CACNG4: variants seen among roughly 807,000 people sequenced by gnomAD.
The protein encoded by CACNG4 is voltage-dependent calcium channel gamma-4 subunit.
In CACNG4, 8 loss-of-function variants were observed where a neutral mutation model predicts 22.9. The ratio of observed to expected loss-of-function variants is 0.35; its 90% CI spans 0.21 to 0.63. The LOEUF (loss-of-function observed/expected upper bound fraction) is 0.63, where lower values mean the gene tolerates loss of function less well. CACNG4 is among the 30% of genes least tolerant of loss of function. The pLI, the probability that CACNG4 is intolerant of heterozygous loss-of-function variation, is 0.72. For missense variants in CACNG4, 357 were observed against 455.4 expected (o/e 0.78, Z 1.97); for synonymous variants, 188 against 191.9 (o/e 0.98, Z 0.17).
chr17:67,009,596 T>C (rs1256493000), intron 1 of CACNG4, among the ~76,000 whole-genome samples: 1 of 152,168 alleles, frequency 6.6e-6, no homozygotes, highest in Non-Finnish European at 1.5e-5. Flanking sequence ...CTGTAGTATA[T>C]AACAAAATAC....
chr17:67,025,222 G>T (rs1019787602), intron 3 of CACNG4, among the ~76,000 whole-genome samples: 19 of 152,260 alleles, frequency 1.2e-4, no homozygotes, highest in African/African-American at 4.6e-4. Flanking sequence ...TGACAGAAAT[G>T]TTTTGGATGC....
intron 1 of CACNG4, among the ~76,000 whole-genome samples, chr17:66,990,070 G>A (rs2143305511): frequency 6.6e-6 from 1 of 152,348 alleles, no homozygotes; most frequent in East Asian, 1.9e-4. Flanking sequence ...TGGACTGGGA[G>A]TCTGGACACA....
chr17:67,024,870 A>G lies in CACNG4; in HGVS notation c.315A>G (p.Arg105=). ...CACCTCCCCGGCCAGGCATCGTGCG[A>G]GCCTCCAGCGTCTTCCCCATCCTCA... The part of the protein sequence containing the change: ...DSSEYLLRIV[R]ASSVFPILST... Residue 105 remains arginine (R), a synonymous_variant, in exon 3 of 4, where the codon CGA becomes CGG. Transcript: ENST00000262138. The G allele has an allele frequency of 6.4e-7, 1 of 1,565,802 alleles. No individual in the cohort carries two copies. The highest frequency in any genetic ancestry group is 8.6e-7 in the Non-Finnish European group (1 of 1,157,862).
At chr17:67,005,014 C>T (rs962774569) in intron 1 of CACNG4, among the ~76,000 whole-genome samples, 11 of 152,158 alleles carry the variant, frequency 7.2e-5, no homozygotes, top group Non-Finnish European at 1.5e-5. Flanking sequence ...GTGAGGCACC[C>T]TGCCCCGTCC....
intron 1 of CACNG4, among the ~76,000 whole-genome samples, chr17:66,980,345 CAT>C (rs2143288666): frequency 6.6e-6 from 1 of 152,294 alleles, no homozygotes; most frequent in Non-Finnish European, 1.5e-5. Context: ...ACCTTTATCA[CAT>C]GTGTAAACCT....
intron 1 of CACNG4, among the ~76,000 whole-genome samples, chr17:66,974,100 G>C (rs990341782): frequency 1.3e-5 from 2 of 152,214 alleles, no homozygotes; most frequent in East Asian, 3.9e-4. Context: ...ATAAAGAGAT[G>C]AGGGACTGGG....
chr17:67,018,144 A>G (rs772725679), intron 1 of CACNG4, 45 bp from the exon 2 acceptor site: 81 of 1,435,132 alleles, frequency 5.6e-5, no homozygotes, highest in Non-Finnish European at 7.8e-5. Flanking sequence ...GGATGAGTGA[A>G]CCCAGACAGC....
intron 1 of CACNG4, among the ~76,000 whole-genome samples, chr17:66,975,364 A>G (rs185449488): frequency 6.6e-6 from 1 of 152,248 alleles, no homozygotes; most frequent in African/African-American, 2.4e-5. Context: ...GTCAGCATTG[A>G]AGCCACATGG....
chr17:67,015,225 G>A lies in CACNG4; in HGVS notation c.221-2964G>A, dbSNP rs79498309. 7.2e-5 allele frequency among the ~76,000 whole-genome samples: 11 copies of A among 152,200 alleles called. No individual in the cohort carries two copies. The East Asian group carries it at 9.6e-4, about 13-fold the overall frequency. Reference sequence around the variant, plus strand: ...GAGCAAACTACCGATACGCATGACAGCTTGGATGAATCCTTAGGGGGTTAG... The same window carrying A: ...GAGCAAACTACCGATACGCATGACAACTTGGATGAATCCTTAGGGGGTTAG... On this transcript the variant is annotated intron_variant, in intron 1 of 3. Coordinates refer to ENST00000262138, the MANE Select transcript of CACNG4 (RefSeq NM_014405.4).
intron 3 of CACNG4, among the ~76,000 whole-genome samples, chr17:67,026,143 TTG>T (rs1224283341): frequency 9.0e-6 from 1 of 111,144 alleles, no homozygotes; most frequent in African/African-American, 3.5e-5. Context: ...TGTGGTGTGT[TTG>T]TGTGTGTGAG....
At chr17:66,976,174 C>A (rs1404167632) in intron 1 of CACNG4, among the ~76,000 whole-genome samples, 2 of 152,164 alleles carry the variant, frequency 1.3e-5, no homozygotes, top group Non-Finnish European at 2.9e-5. Context: ...GGAGTGAAAA[C>A]CATCAGGATT....
intron 1 of CACNG4, 64 bp downstream of exon 1, chr17:66,965,195 CG>C: frequency 3.7e-6 from 2 of 540,290 alleles, no homozygotes; most frequent in Non-Finnish European, 5.3e-6. Flanking sequence ...CATATACACA[CG>C]CGCGCGCGCG....
At chr17:66,979,987 C>G (rs2035261838) in intron 1 of CACNG4, among the ~76,000 whole-genome samples, 1 of 152,152 alleles carries the variant, frequency 6.6e-6, no homozygotes, top group Non-Finnish European at 1.5e-5. Context: ...AACTCCTGAC[C>G]TCGTGATCTG....
chr17:66,982,089 C>T (rs1049433193), intron 1 of CACNG4, among the ~76,000 whole-genome samples: 5 of 152,174 alleles, frequency 3.3e-5, no homozygotes, highest in African/African-American at 7.2e-5. Flanking sequence ...GTGAGTGTTA[C>T]AGCTCTTAAA....
chr17:67,013,498 G>C (rs1383031625), intron 1 of CACNG4, among the ~76,000 whole-genome samples: 1 of 152,064 alleles, frequency 6.6e-6, no homozygotes, highest in Non-Finnish European at 1.5e-5. Context: ...TGCTTCCTGT[G>C]CCCATAGAAA....
chr17:66,995,980 A>G (rs1379267416), intron 1 of CACNG4, among the ~76,000 whole-genome samples: 1 of 152,196 alleles, frequency 6.6e-6, no homozygotes, highest in Admixed American at 6.5e-5. Flanking sequence ...CCAGTCTGAC[A>G]TCTGGTTCCA....
chr17:66,976,512 C>T (rs2035237427), intron 1 of CACNG4, among the ~76,000 whole-genome samples: 1 of 150,630 alleles, frequency 6.6e-6, no homozygotes, highest in Admixed American at 6.6e-5. Context: ...CCCTCTTTCC[C>T]TCCCTCCATC....
At chr17:67,022,508 G>A (rs573957807) in intron 2 of CACNG4, among the ~76,000 whole-genome samples, 7 of 152,332 alleles carry the variant, frequency 4.6e-5, no homozygotes, top group Non-Finnish European at 8.8e-5. Context: ...GAGAGGAATC[G>A]GAGAGGAGGA....
At chr17:67,007,985 A>G (rs755909857) in intron 1 of CACNG4, among the ~76,000 whole-genome samples, 6 of 152,156 alleles carry the variant, frequency 3.9e-5, no homozygotes, top group Non-Finnish European at 8.8e-5. Flanking sequence ...CCATTGGACA[A>G]CTGGGTCACA....
Sources: allele counts gnomAD v4.1 joint callset (sites outside exome capture counted in the v4.1 genomes callset), GRCh38; gene constraint gnomAD v4.1.1; transcripts MANE v1.5; gene names NCBI Gene and HGNC (gene_info 2026-07-23, HGNC 2026-07-21).